Variants in PHACTR2 observed in about 807,000 individuals in gnomAD.
The protein encoded by PHACTR2 is chromosome 6 open reading frame 56.
PHACTR2 carries 30 observed loss-of-function variants against 76.0 expected under a neutral mutation model. The ratio of observed to expected loss-of-function variants is 0.39; its 90% CI spans 0.30 to 0.54. The LOEUF (loss-of-function observed/expected upper bound fraction) is 0.54. PHACTR2 is among the 20% of genes least tolerant of loss of function. The probability of loss-of-function intolerance (pLI) is 0.61; values close to 1 mark genes in which losing one functional copy is unlikely to be tolerated. For missense variants in PHACTR2, 696 were observed against 781.1 expected (o/e 0.89, Z 1.30); for synonymous variants, 292 against 292.5 (o/e 1.00, Z 0.02).
intron 1 of PHACTR2, among the ~76,000 whole-genome samples, chr6:143,566,843 C>A (rs562063684): frequency 0.011 from 1,607 of 150,218 alleles, 27 homozygotes; most frequent in African/African-American, 0.037. Context: ...AAAAAAAAAA[C>A]CCCACAATGC....
intron 1 of PHACTR2, among the ~76,000 whole-genome samples, chr6:143,603,136 ACT>A (rs1775829860): frequency 8.2e-6 from 1 of 122,070 alleles, no homozygotes; most frequent in African/African-American, 3.1e-5. Context: ...CAAGAGCAAG[ACT>A]CTGTCTCAAA....
Position 143,760,588 on chromosome 6 carries a change from G to C in PHACTR2, c.642G>C (p.Gln214His). 6.2e-7 allele frequency: 1 copy of C among 1,613,954 alleles called. No individual in the cohort carries two copies. Among genetic ancestry groups the C allele is most frequent in the Non-Finnish European group, 8.5e-7 (1 of 1,179,890 alleles). ...IKKNTKAPGKQAPVPPPKPAS... is the reference protein window; with the variant it reads ...IKKNTKAPGKHAPVPPPKPAS... ...AAAATACCAAGGCTCCTGGTAAGCA[G>C]GCCCCCGTCCCTCCACCCAAGCCAG... is the stretch of plus-strand genomic sequence containing the variant. Residue 214 changes from glutamine to histidine, a missense_variant, in exon 5 of 13, where the codon CAG (glutamine) becomes CAC (histidine). Transcript: ENST00000440869. The surrounding 1 kb of genome is among the most constrained non-coding windows in gnomAD (Gnocchi z 6.4).
At position 143,659,702 on chromosome 6, in the gene PHACTR2, C is replaced by T. The variant is rs1423108846; in HGVS notation, c.13+51380C>T. 6.6e-6 allele frequency among the ~76,000 whole-genome samples: 1 copy of T among 152,218 alleles called. No individual in the cohort carries two copies. The highest frequency in any genetic ancestry group is 6.5e-5 in the Admixed American group (1 of 15,282). On this transcript the variant is annotated intron_variant, in intron 1 of 11. Coordinates refer to the PHACTR2 transcript ENST00000305766. This position sits in a 1 kb window ranked among gnomAD's most constrained non-coding sequence, Gnocchi z 5.0. Reference sequence around the variant, plus strand: ...GTGGATTACCTGGGGTCTACCTTCACATCTGTCCACCATGCTCCCAATGGT... The same window carrying T: ...GTGGATTACCTGGGGTCTACCTTCATATCTGTCCACCATGCTCCCAATGGT...
intron 1 of PHACTR2, among the ~76,000 whole-genome samples, chr6:143,637,463 TA>T (rs1397408607): frequency 6.6e-6 from 1 of 152,244 alleles, no homozygotes; most frequent in East Asian, 1.9e-4. Flanking sequence ...ATGTTCTCAG[TA>T]AGACTTTGCG....
chr6:143,755,666 C>G lies in PHACTR2; in HGVS notation c.454+1754C>G, dbSNP rs1187078737. ...GGCTAGTAGGTACATGAGGAAGGAG[C>G]TGGGAGTGCTGGATGCTGACATACC... On this transcript the variant is annotated intron_variant, in intron 4 of 12. Coordinates refer to ENST00000440869, the MANE Select transcript of PHACTR2 (RefSeq NM_001100164.2). This position sits in a 1 kb window ranked among gnomAD's most constrained non-coding sequence, Gnocchi z 5.2. 6.6e-6 allele frequency among the ~76,000 whole-genome samples: 1 copy of G among 151,942 alleles called. No homozygotes were observed. The highest frequency in any genetic ancestry group is 1.5e-5 in the Non-Finnish European group (1 of 68,008).
At position 143,811,722 on chromosome 6, in the gene PHACTR2, G is replaced by A. The variant is rs1004774304; in HGVS notation, c.1922+4589G>A. On this transcript the variant is annotated intron_variant, in intron 12 of 12. Transcript: ENST00000440869. This position sits in a 1 kb window ranked among gnomAD's most constrained non-coding sequence, Gnocchi z 4.1. ...CATCATTCGAGATATATTCCAGTAGGGATATAGTTTGTCTCCAAGACATAA... is the reference window on the plus strand; with the variant it reads ...CATCATTCGAGATATATTCCAGTAGAGATATAGTTTGTCTCCAAGACATAA... 2.0e-5 allele frequency among the ~76,000 whole-genome samples: 3 copies of A among 151,724 alleles called. No individual in the cohort carries two copies. The highest frequency in any genetic ancestry group is 4.4e-5 in the Non-Finnish European group (3 of 67,962).
chr6:143,697,034 T>C lies in PHACTR2; in HGVS notation c.47-14982T>C, dbSNP rs1327194164. 2.0e-5 allele frequency among the ~76,000 whole-genome samples: 3 copies of C among 152,230 alleles called. No individual in the cohort carries two copies. The highest frequency in any genetic ancestry group is 7.2e-5 in the African/African-American group (3 of 41,458). On this transcript the variant is annotated intron_variant, in intron 1 of 12. Transcript: ENST00000440869. The surrounding 1 kb of genome is among the most constrained non-coding windows in gnomAD (Gnocchi z 4.4). Reference sequence around the variant, plus strand: ...AACACTGGGCTATTATGCAAGGTAGTTCTACCTTGTAGTTCCGATATATTT... The same window carrying C: ...AACACTGGGCTATTATGCAAGGTAGCTCTACCTTGTAGTTCCGATATATTT...
intron 1 of PHACTR2, among the ~76,000 whole-genome samples, chr6:143,560,065 T>C (rs1427588726): frequency 6.6e-6 from 1 of 152,222 alleles, no homozygotes; most frequent in Admixed American, 6.5e-5. Context: ...AGGATTGTTA[T>C]GAAAACATAA....
chr6:143,818,495 T>C lies in PHACTR2; in HGVS notation c.1923-5179T>C. ...ACTTGGACTTGTAAGCTCTGGTAAGTATTATATTAGGATTGTTATTATTAT... is the reference window on the plus strand; with the variant it reads ...ACTTGGACTTGTAAGCTCTGGTAAGCATTATATTAGGATTGTTATTATTAT... On this transcript the variant is annotated intron_variant, in intron 12 of 12. Coordinates refer to ENST00000440869, the MANE Select transcript of PHACTR2 (RefSeq NM_001100164.2). The surrounding 1 kb of genome is among the most constrained non-coding windows in gnomAD (Gnocchi z 4.9). Among the ~76,000 whole-genome samples, 1 of 152,198 alleles carries C rather than the reference T, an allele frequency of 6.6e-6. No homozygotes were observed. The highest frequency in any genetic ancestry group is 1.5e-5 in the Non-Finnish European group (1 of 68,034).
intron 11 of PHACTR2, among the ~76,000 whole-genome samples, chr6:143,804,781 A>G (rs1361231010): frequency 6.6e-6 from 1 of 152,230 alleles, no homozygotes; most frequent in Non-Finnish European, 1.5e-5. Context: ...GGTTAAGTCA[A>G]CTTCGGTGGC....
intron 1 of PHACTR2, among the ~76,000 whole-genome samples, chr6:143,666,142 C>A (rs1777030621): frequency 6.6e-6 from 1 of 151,518 alleles, no homozygotes; most frequent in Non-Finnish European, 1.5e-5. Context: ...GTTTTCCGTT[C>A]CTGTGTGAAT....
In PHACTR2 at chr6:143,801,800, G is replaced by A. The variant is rs1039563489; in HGVS notation, c.1846-5257G>A. ...GGCATTCTGGTTTTTGGAATTTTCA[G>A]CCTTTCTGCCTTGGTTTCTCCCCAT... On this transcript the variant is annotated intron_variant, in intron 11 of 12. Coordinates refer to ENST00000440869, the MANE Select transcript of PHACTR2 (RefSeq NM_001100164.2). The surrounding 1 kb of genome is among the most constrained non-coding windows in gnomAD (Gnocchi z 4.6). Among the ~76,000 whole-genome samples, 1 of 152,116 alleles carries A rather than the reference G, an allele frequency of 6.6e-6. No individual in the cohort carries two copies. The highest frequency in any genetic ancestry group is 1.5e-5 in the Non-Finnish European group (1 of 68,028).
chr6:143,773,075 T>C (rs1775191214), intron 7 of PHACTR2, among the ~76,000 whole-genome samples: 1 of 152,160 alleles, frequency 6.6e-6, no homozygotes, highest in African/African-American at 2.4e-5. Flanking sequence ...CAGATGGGCA[T>C]GCTAGCGCAC....
intron 1 of PHACTR2, among the ~76,000 whole-genome samples, chr6:143,551,070 C>T (rs1459886216): frequency 1.3e-5 from 2 of 151,532 alleles, no homozygotes; most frequent in Admixed American, 6.6e-5. Flanking sequence ...AAAAAAAACC[C>T]CAAAGACTAA....
At chr6:143,563,413 AGGCATGGT>A (rs1286207484) in intron 1 of PHACTR2, among the ~76,000 whole-genome samples, 1 of 152,088 alleles carries the variant, frequency 6.6e-6, no homozygotes, top group Non-Finnish European at 1.5e-5. Context: ...AAATTAAGCC[AGGCATGGT>A]GGCACACACC....
intron 2 of PHACTR2, among the ~76,000 whole-genome samples, chr6:143,745,366 C>A (rs1424007251): frequency 6.6e-6 from 1 of 152,234 alleles, no homozygotes; most frequent in Non-Finnish European, 1.5e-5. Context: ...GACTCCTTCT[C>A]TGGAATACCT....
rs548855052 is a variant in PHACTR2 at position 143,753,657 on chromosome 6, G to A, written c.296-97G>A. ...AGGGTGTATTTGGTTCCCAGGGACT[G>A]AAACATGAATCTAAATTTTACAATC... is the stretch of plus-strand genomic sequence containing the variant. On this transcript the variant is annotated intron_variant, in intron 3 of 12. Coordinates refer to ENST00000440869, the MANE Select transcript of PHACTR2 (RefSeq NM_001100164.2). This position sits in a 1 kb window ranked among gnomAD's most constrained non-coding sequence, Gnocchi z 4.6. 7.4e-5 allele frequency: 61 copies of A among 825,340 alleles called. 1 individual carries two copies. In the South Asian group the frequency reaches 1.1e-3, roughly 15 times the overall value. 51.1% of individuals were successfully genotyped at this position (825,340 alleles called of 1,614,324 possible).
chr6:143,754,199 G>A lies in PHACTR2; in HGVS notation c.454+287G>A, dbSNP rs1031093537. The A allele has an allele frequency of 5.1e-6, 1 of 196,486 alleles. No individual in the cohort carries two copies. The highest frequency in any genetic ancestry group is 1.0e-5 in the Non-Finnish European group (1 of 96,478). 12.2% of individuals were successfully genotyped at this position (196,486 alleles called of 1,614,324 possible). Reference sequence around the variant, plus strand: ...TTTAATCATTAGAGATGTCTGGGAAGATTATCCTTTCTTAGGAGCTTTGTC... The same window carrying A: ...TTTAATCATTAGAGATGTCTGGGAAAATTATCCTTTCTTAGGAGCTTTGTC... On this transcript the variant is annotated intron_variant, in intron 4 of 12. Transcript: ENST00000440869. The surrounding 1 kb of genome is among the most constrained non-coding windows in gnomAD (Gnocchi z 6.2).
rs1778705592 is a variant in PHACTR2 at position 143,731,771 on chromosome 6, G to T, written c.215-17214G>T. On this transcript the variant is annotated intron_variant, in intron 2 of 12. Transcript: ENST00000440869. The surrounding 1 kb of genome is among the most constrained non-coding windows in gnomAD (Gnocchi z 4.9). Reference sequence around the variant, plus strand: ...AACTGTTCCCTCCTCTTCTGTTCCTGGAAGAGACTGTGTAGATTTGTTGTT... The same window carrying T: ...AACTGTTCCCTCCTCTTCTGTTCCTTGAAGAGACTGTGTAGATTTGTTGTT... Among the ~76,000 whole-genome samples, 1 of 152,192 alleles carries T rather than the reference G, an allele frequency of 6.6e-6. No homozygotes were observed. Among genetic ancestry groups the T allele is most frequent in the Non-Finnish European group, 1.5e-5 (1 of 68,032 alleles).
Sources: allele counts gnomAD v4.1 joint callset (sites outside exome capture counted in the v4.1 genomes callset), GRCh38; gene constraint gnomAD v4.1.1; non-coding constraint Gnocchi (gnomAD v3.1); transcripts MANE v1.5; gene names NCBI Gene and HGNC (gene_info 2026-07-23, HGNC 2026-07-21).